The following GPRIN3 variants were observed in gnomAD, a reference collection of about 807,000 sequenced individuals.
The protein encoded by GPRIN3 is G protein-regulated inducer of neurite outgrowth 3.
GPRIN3 carries 12 observed loss-of-function variants against 13.7 expected under a neutral mutation model. That is an observed-to-expected ratio of 0.87 (90% confidence interval 0.56 to 1.42). The LOEUF is 1.42. Ranked by LOEUF, GPRIN3 falls within the 40% of genes most tolerant of loss-of-function variation. GPRIN3 has a pLI of 0.00. For synonymous variants in GPRIN3, 377 were observed against 372.7 expected, an observed-to-expected ratio of 1.01 and a Z score of -0.13; for missense variants, 1,009 against 958.7, an observed-to-expected ratio of 1.05 and a Z score of -0.69.
intron 1 of GPRIN3, among the ~76,000 whole-genome samples, chr4:89,273,247 C>G (rs1724007537): frequency 6.6e-6 from 1 of 152,184 alleles, no homozygotes; most frequent in South Asian, 2.1e-4. Context: ...CAGAATATTA[C>G]ATCAATTTAG....
chr4:89,262,082 T>C (rs990552754), intron 1 of GPRIN3, among the ~76,000 whole-genome samples: 4 of 144,164 alleles, frequency 2.8e-5, no homozygotes, highest in Non-Finnish European at 6.0e-5. Flanking sequence ...GTTGAGATGC[T>C]GCCACTGCAC....
intron 1 of GPRIN3, among the ~76,000 whole-genome samples, chr4:89,252,671 T>C (rs1218561284): frequency 6.6e-6 from 1 of 152,202 alleles, no homozygotes; most frequent in Non-Finnish European, 1.5e-5. Flanking sequence ...ATAAATAGAA[T>C]GCATTTTCTC....
Position 89,270,571 on chromosome 4 carries a change from A to ATATATATATTTATATATGTATATAATT in GPRIN3, c.-123-20339_-123-20338insAATTATATACATATATAAATATATATA, listed in dbSNP as rs1561205440. Among the ~76,000 whole-genome samples the ATATATATATTTATATATGTATATAATT allele has an allele frequency of 5.6e-3, 527 of 93,288 alleles. 5 individuals are homozygous for ATATATATATTTATATATGTATATAATT. Among genetic ancestry groups the ATATATATATTTATATATGTATATAATT allele is most frequent in the African/African-American group, 0.034 (504 of 14,674 alleles). 61.2% of individuals were successfully genotyped at this position (93,288 alleles called of 152,430 possible). A position where few individuals can be genotyped will look rare whatever the true frequency, so the allele number is the denominator to read the frequency against. On this transcript the variant is annotated intron_variant, in intron 1 of 1. Coordinates refer to ENST00000609438, the MANE Select transcript of GPRIN3 (RefSeq NM_198281.3). ...ATTTATATATGTATATAATTTATAT[A>ATATATATATTTATATATGTATATAATT]TATATATATATATATATATATATAT...
At position 89,249,702 on chromosome 4, in the gene GPRIN3, A is replaced by T; in HGVS notation, c.409T>A (p.Ser137Thr). 1 of 1,614,124 alleles carries T rather than the reference A, an allele frequency of 6.2e-7. No homozygotes were observed. The highest frequency in any genetic ancestry group is 2.2e-5 in the East Asian group (1 of 44,874). The change falls in exon 2 of 2, where the codon TCC becomes ACC. Residue 137 changes from serine to threonine, a missense_variant. Coordinates refer to ENST00000609438, the MANE Select transcript of GPRIN3 (RefSeq NM_198281.3). The stretch of plus-strand genomic sequence containing the variant: ...GCATTGGGCTGATCACCTGGGATGG[A>T]CTGGCAGGTGTGCTGATTGGCGGGC... ...TMPANQHTCQ[S>T]IPGDQPNAIT...
intron 1 of GPRIN3, among the ~76,000 whole-genome samples, chr4:89,284,341 G>A (rs1271860193): frequency 6.6e-6 from 1 of 152,204 alleles, no homozygotes; most frequent in Non-Finnish European, 1.5e-5. Flanking sequence ...TTCACTGTGT[G>A]AGAGGCACAG....
chr4:89,260,320 G>A (rs751201757), intron 1 of GPRIN3, among the ~76,000 whole-genome samples: 2 of 152,154 alleles, frequency 1.3e-5, no homozygotes, highest in Non-Finnish European at 2.9e-5. Flanking sequence ...CTGTTTGCAA[G>A]GAGAACCAGG....
rs752462257 is a variant in GPRIN3 at position 89,249,337 on chromosome 4, T to C, written c.774A>G (p.Gln258=). 2 of 1,614,126 alleles carry C rather than the reference T, an allele frequency of 1.2e-6. No individual in the cohort carries two copies. Among genetic ancestry groups the C allele is most frequent in the Non-Finnish European group, 1.7e-6 (2 of 1,180,014 alleles). Residue 258 remains glutamine, a synonymous_variant, in exon 2 of 2, where the codon CAA becomes CAG. Coordinates refer to ENST00000609438, the MANE Select transcript of GPRIN3 (RefSeq NM_198281.3). Reference sequence around the variant, plus strand: ...GTTGAGGTGTCACAGAAGTTGTGCCTTGGGGGCCCGAGGCAGTGACAGAGG... The same window carrying C: ...GTTGAGGTGTCACAGAAGTTGTGCCCTGGGGGCCCGAGGCAGTGACAGAGG... ...KQPSVTASGP[Q]GTTSVTPQPT...
intron 1 of GPRIN3, among the ~76,000 whole-genome samples, chr4:89,265,980 G>T (rs1040880875): frequency 2.6e-5 from 4 of 152,150 alleles, no homozygotes; most frequent in African/African-American, 9.7e-5. Flanking sequence ...ACCATACTCA[G>T]GTAAATTAAC....
intron 1 of GPRIN3, among the ~76,000 whole-genome samples, chr4:89,285,556 G>T (rs72872574): frequency 9.5e-4 from 144 of 152,232 alleles, no homozygotes; most frequent in African/African-American, 3.3e-3. Context: ...ATAACCAAAA[G>T]ATCATGCTTT....
chr4:89,280,068 A>T lies in GPRIN3; in HGVS notation c.-124+27547T>A, dbSNP rs184114062. 2.6e-3 allele frequency among the ~76,000 whole-genome samples: 392 copies of T among 152,180 alleles called. 2 individuals carry two copies. The highest frequency in any genetic ancestry group is 4.8e-3 in the Non-Finnish European group (325 of 68,022). On this transcript the variant is annotated intron_variant, in intron 1 of 1. Coordinates refer to ENST00000609438, the MANE Select transcript of GPRIN3 (RefSeq NM_198281.3). Reference sequence around the variant, plus strand: ...CAGTGAATGCCATCTTCATCTTCTCATCCATGCCAGAAACTTCAAAGTCAT... The same window carrying T: ...CAGTGAATGCCATCTTCATCTTCTCTTCCATGCCAGAAACTTCAAAGTCAT...
Position 89,244,186 on chromosome 4 carries a change from AT to A in GPRIN3, c.*3593del, listed in dbSNP as rs1723023604. Reference sequence around the variant, plus strand: ...ATATGCTAGAATACAAACAAATGCTATTTTCCTCTTCTGCTTTCTACTTTAA... The same window carrying A: ...ATATGCTAGAATACAAACAAATGCTATTTCCTCTTCTGCTTTCTACTTTAA... On this transcript the variant is annotated 3_prime_UTR_variant, in exon 2 of 2. Transcript: ENST00000609438. The A allele has an allele frequency of 6.6e-6, 1 of 152,096 alleles. No individual in the cohort carries two copies. The highest frequency in any genetic ancestry group is 1.5e-5 in the Non-Finnish European group (1 of 67,992). 9.4% of individuals were successfully genotyped at this position (152,096 alleles called of 1,614,324 possible).
intron 1 of GPRIN3, among the ~76,000 whole-genome samples, chr4:89,284,577 T>TGG (rs1469360418): frequency 6.6e-6 from 1 of 152,218 alleles, no homozygotes; most frequent in African/African-American, 2.4e-5. Context: ...TTAGTGATTA[T>TGG]GGTAGTAGAA....
At chr4:89,296,353 G>A (rs1724734039) in intron 1 of GPRIN3, among the ~76,000 whole-genome samples, 1 of 152,088 alleles carries the variant, frequency 6.6e-6, no homozygotes, top group Non-Finnish European at 1.5e-5. Flanking sequence ...CCTTCCAAAT[G>A]GACAGACAGG....
chr4:89,280,156 G>A (rs951960478), intron 1 of GPRIN3, among the ~76,000 whole-genome samples: 1 of 152,022 alleles, frequency 6.6e-6, no homozygotes, highest in East Asian at 1.9e-4. Flanking sequence ...TGGTGTTTAT[G>A]GATCCTTCCT....
Position 89,250,236 on chromosome 4 carries a change from G to A in GPRIN3, c.-123-3C>T, listed in dbSNP as rs972966509. 6.7e-7 allele frequency: 1 copy of A among 1,494,198 alleles called. No individual in the cohort carries two copies. The highest frequency in any genetic ancestry group is 8.9e-7 in the Non-Finnish European group (1 of 1,121,928). The allele number at this position is 1,494,198 out of a possible 1,614,324, so 92.6% of individuals were successfully genotyped here. A position where few individuals can be genotyped will look rare whatever the true frequency, so the allele number is the denominator to read the frequency against. ...GATGATTCCTCTGAAGAACCAGCCT[G>A]TGAATCAAGGAAACAGCATCATTAA... is the stretch of plus-strand genomic sequence containing the variant. On this transcript the variant is annotated splice_region_variant and splice_polypyrimidine_tract_variant and intron_variant, in intron 1 of 1. Transcript: ENST00000609438.
At position 89,242,122 on chromosome 4, in the gene GPRIN3, T is replaced by C. The variant is rs893622759; in HGVS notation, c.*5658A>G. Reference sequence around the variant, plus strand: ...CCATGCAGGTTGATCATCAATATCCTTTTCTAAAGTGTAAAATATGTGATT... The same window carrying C: ...CCATGCAGGTTGATCATCAATATCCCTTTCTAAAGTGTAAAATATGTGATT... On this transcript the variant is annotated 3_prime_UTR_variant, in exon 2 of 2. Coordinates refer to ENST00000609438, the MANE Select transcript of GPRIN3 (RefSeq NM_198281.3). The C allele has an allele frequency of 6.6e-6, 1 of 152,200 alleles. No individual in the cohort carries two copies. The highest frequency in any genetic ancestry group is 1.5e-5 in the Non-Finnish European group (1 of 68,034). 9.4% of individuals were successfully genotyped at this position (152,200 alleles called of 1,614,324 possible).
chr4:89,303,633 G>A (rs1296140969), intron 1 of GPRIN3, among the ~76,000 whole-genome samples: 3 of 151,846 alleles, frequency 2.0e-5, no homozygotes, highest in Non-Finnish European at 4.4e-5. Flanking sequence ...GATCAGGGGA[G>A]GAAAAGGGGG....
At position 89,248,939 on chromosome 4, in the gene GPRIN3, T is replaced by C; in HGVS notation, c.1172A>G (p.Gln391Arg). ...AGCTGCAGCTGCCTGAATGTGCACC[T>C]GTGGCATGATGCCAGGGCACTGGCT... ...ESSQCPGIMP[Q>R]VHIQAAAAES... Residue 391 changes from glutamine (Q) to arginine (R), a missense_variant, in exon 2 of 2, where the codon CAG becomes CGG. Gln to Arg is a conservative substitution (Grantham distance 43). Transcript: ENST00000609438. 1 of 1,614,208 alleles carries C rather than the reference T, an allele frequency of 6.2e-7. No individual in the cohort carries two copies. The highest frequency in any genetic ancestry group is 8.5e-7 in the Non-Finnish European group (1 of 1,180,012).
At chr4:89,273,739 T>G (rs547076742) in intron 1 of GPRIN3, among the ~76,000 whole-genome samples, 6 of 152,260 alleles carry the variant, frequency 3.9e-5, no homozygotes, top group African/African-American at 1.4e-4. Context: ...CAGAAACACT[T>G]TTTTCATAGG....
Sources: allele counts gnomAD v4.1 joint callset (sites outside exome capture counted in the v4.1 genomes callset), GRCh38; gene constraint gnomAD v4.1.1; transcripts MANE v1.5; gene names NCBI Gene and HGNC (gene_info 2026-07-23, HGNC 2026-07-21).